Variants in FHIT observed in about 807,000 individuals in gnomAD.
The protein encoded by FHIT is fragile histidine triad diadenosine triphosphatase, also known as bis(5'-adenosyl)-triphosphatase.
A neutral mutation model predicts 17.9 loss-of-function variants in FHIT; 19 were observed. That is an observed-to-expected ratio of 1.06 (90% CI 0.74 to 1.56). The LOEUF is 1.56. FHIT is among the 40% of genes most tolerant of loss of function. The pLI, the probability that FHIT is intolerant of heterozygous loss-of-function variation, is 0.00. For synonymous variants in FHIT, 81 were observed against 69.7 expected (o/e 1.16, Z -0.81); for missense variants, 248 against 189.2 (o/e 1.31, Z -1.82).
chr3:61,056,601 C>T (rs372557009), intron 2 of FHIT, among the ~76,000 whole-genome samples: 31 of 152,164 alleles, frequency 2.0e-4, no homozygotes, highest in African/African-American at 6.3e-4. Flanking sequence ...TTGAATGAAG[C>T]GAAAGAGTGA....
intron 5 of FHIT, among the ~76,000 whole-genome samples, chr3:60,071,699 A>C (rs1250792081): frequency 6.6e-6 from 1 of 152,192 alleles, no homozygotes; most frequent in Admixed American, 6.5e-5. Flanking sequence ...GGGCTCCCCG[A>C]AGCTGACTTT....
chr3:60,696,564 G>A (rs1553700689), intron 4 of FHIT, among the ~76,000 whole-genome samples: 1 of 152,088 alleles, frequency 6.6e-6, no homozygotes, highest in South Asian at 2.1e-4. Flanking sequence ...GGAAAAATGT[G>A]CCATTCTCAG....
At chr3:60,632,604 G>A (rs530158086) in intron 4 of FHIT, among the ~76,000 whole-genome samples, 3 of 152,174 alleles carry the variant, frequency 2.0e-5, no homozygotes, top group East Asian at 3.9e-4. Flanking sequence ...ATGAAAATGT[G>A]GCCAAAAGAA....
At chr3:59,773,100 G>C (rs1351921009) in intron 8 of FHIT, among the ~76,000 whole-genome samples, 1 of 152,128 alleles carries the variant, frequency 6.6e-6, no homozygotes, top group African/African-American at 2.4e-5. Flanking sequence ...AGGTTTTCAA[G>C]GGGTCCACAA....
chr3:60,326,720 C>G lies in FHIT; in HGVS notation c.103+210140G>C, dbSNP rs78663805. 3.5e-3 allele frequency among the ~76,000 whole-genome samples: 538 copies of G among 152,298 alleles called. 4 individuals carry two copies. Among genetic ancestry groups the G allele is most frequent in the African/African-American group, 0.012 (515 of 41,560 alleles). On this transcript the variant is annotated intron_variant, in intron 5 of 9. Coordinates refer to ENST00000492590, the MANE Select transcript of FHIT (RefSeq NM_002012.4). ...GACGATGTCCCCTTAACAGTATTTT[C>G]TGCCTGAGTCCAGAGCTACTAGTAG...
chr3:60,325,131 A>G (rs1280863377), intron 5 of FHIT, among the ~76,000 whole-genome samples: 1 of 152,138 alleles, frequency 6.6e-6, no homozygotes, highest in African/African-American at 2.4e-5. Context: ...CATATTATTC[A>G]TATATGTTTT....
intron 3 of FHIT, among the ~76,000 whole-genome samples, chr3:60,863,293 G>A (rs1227564364): frequency 6.6e-6 from 1 of 152,120 alleles, no homozygotes; most frequent in Non-Finnish European, 1.5e-5. Context: ...TAACCTGAAC[G>A]AGTTTGGAAG....
chr3:60,167,891 G>A (rs1182799533), intron 5 of FHIT, among the ~76,000 whole-genome samples: 3 of 152,190 alleles, frequency 2.0e-5, no homozygotes, highest in East Asian at 3.9e-4. Context: ...AATTAGCCAG[G>A]TGTAGTGGTA....
intron 3 of FHIT, among the ~76,000 whole-genome samples, chr3:60,918,205 C>G (rs1424413376): frequency 1.3e-5 from 2 of 152,208 alleles, no homozygotes; most frequent in Non-Finnish European, 2.9e-5. Flanking sequence ...GCTTCCCCAG[C>G]CAGGTGAAAC....
chr3:60,582,364 T>C (rs1336804711), intron 4 of FHIT, among the ~76,000 whole-genome samples: 1 of 152,086 alleles, frequency 6.6e-6, no homozygotes, highest in African/African-American at 2.4e-5. Flanking sequence ...AAAGACTTTC[T>C]CCCTTGAAGT....
At chr3:59,870,255 C>G (rs1702858364) in intron 8 of FHIT, among the ~76,000 whole-genome samples, 1 of 152,146 alleles carries the variant, frequency 6.6e-6, no homozygotes, top group African/African-American at 2.4e-5. Context: ...TCATGTCACC[C>G]TCACTTTTCA....
chr3:60,365,649 A>C (rs1351286844), intron 5 of FHIT, among the ~76,000 whole-genome samples: 1 of 152,218 alleles, frequency 6.6e-6, no homozygotes, highest in African/African-American at 2.4e-5. Context: ...TTAGGAAGCC[A>C]TCTCTTTCAG....
intron 5 of FHIT, among the ~76,000 whole-genome samples, chr3:60,441,511 T>C (rs2030799492): frequency 6.6e-6 from 1 of 151,458 alleles, no homozygotes; most frequent in Non-Finnish European, 1.5e-5. Context: ...GTTTCTTTTT[T>C]ATTTACCTTA....
intron 4 of FHIT, among the ~76,000 whole-genome samples, chr3:60,555,301 T>C (rs1468159312): frequency 6.6e-6 from 1 of 152,214 alleles, no homozygotes; most frequent in African/African-American, 2.4e-5. Context: ...AAAGCCAGTA[T>C]GGCCAGACTT....
intron 5 of FHIT, among the ~76,000 whole-genome samples, chr3:60,447,466 A>T (rs149413160): frequency 4.6e-5 from 7 of 152,312 alleles, no homozygotes; most frequent in Non-Finnish European, 8.8e-5. Context: ...TCCAAACAAC[A>T]TGACAACTCA....
At chr3:60,726,565 C>T (rs1216786514) in intron 4 of FHIT, among the ~76,000 whole-genome samples, 2 of 152,040 alleles carry the variant, frequency 1.3e-5, no homozygotes, top group Non-Finnish European at 2.9e-5. Context: ...AGTTGATGTT[C>T]CCAAATTCAA....
chr3:60,501,451 C>G (rs528729402), intron 5 of FHIT, among the ~76,000 whole-genome samples: 6 of 152,294 alleles, frequency 3.9e-5, no homozygotes, highest in African/African-American at 1.4e-4. Context: ...GCCAGCTCTT[C>G]CAATTATGAC....
At chr3:61,206,574 G>C (rs1219664390) in intron 1 of FHIT, among the ~76,000 whole-genome samples, 3 of 151,922 alleles carry the variant, frequency 2.0e-5, no homozygotes, top group Non-Finnish European at 4.4e-5. Flanking sequence ...TATTCTCTTT[G>C]AAGCAGTTGT....
intron 5 of FHIT, among the ~76,000 whole-genome samples, chr3:60,362,264 A>G (rs933755318): frequency 2.6e-5 from 4 of 152,108 alleles, no homozygotes; most frequent in Admixed American, 6.6e-5. Flanking sequence ...AATTTTATTA[A>G]CTCCAGTCCT....
Sources: allele counts gnomAD v4.1 joint callset (sites outside exome capture counted in the v4.1 genomes callset), GRCh38; gene constraint gnomAD v4.1.1; transcripts MANE v1.5; gene names NCBI Gene and HGNC (gene_info 2026-07-23, HGNC 2026-07-21).